Variants in ADCY10 observed in about 807,000 individuals in gnomAD.
ADCY10 encodes adenylate cyclase type 10.
ADCY10 carries 156 observed loss-of-function variants against 183.3 expected under a neutral mutation model. The observed-to-expected ratio is 0.85, with a 90% CI of 0.75 to 0.97. ADCY10 has a LOEUF of 0.97. Ranked by LOEUF, ADCY10 falls within the 50% of genes least tolerant of loss-of-function variation. ADCY10 has a pLI of 0.00. For missense variants in ADCY10, 1,745 were observed against 1,934.3 expected, an observed-to-expected ratio of 0.90 and a Z score of 1.84; for synonymous variants, 645 against 670.0, an observed-to-expected ratio of 0.96 and a Z score of 0.58.
Position 167,822,104 on chromosome 1 carries a change from G to A in ADCY10, c.4206C>T (p.Phe1402=). Reference sequence around the variant, plus strand: ...TTCTGTTGTTTTCGTATTGGTGTATGAATTCCAAACATTCTTCAAATGTTC... The same window carrying A: ...TTCTGTTGTTTTCGTATTGGTGTATAAATTCCAAACATTCTTCAAATGTTC... The part of the protein sequence containing the change: ...VYRTFEECLE[F]IHQYENNRIL... The change falls in exon 30 of 33, where the codon TTC becomes TTT. Residue 1402 remains phenylalanine, a synonymous_variant. Coordinates refer to ENST00000367851, the MANE Select transcript of ADCY10 (RefSeq NM_018417.6). The A allele has an allele frequency of 1.2e-6, 2 of 1,609,136 alleles. No homozygotes were observed. The highest frequency in any genetic ancestry group is 1.7e-6 in the Non-Finnish European group (2 of 1,175,396).
chr1:167,881,600 T>A (rs1479984022), intron 9 of ADCY10, among the ~76,000 whole-genome samples: 3 of 152,192 alleles, frequency 2.0e-5, no homozygotes, highest in African/African-American at 4.8e-5. Flanking sequence ...CCCCTAGCAA[T>A]GGAATGACAG....
At chr1:167,903,745 CA>C in intron 3 of ADCY10, 141 bp downstream of exon 3, 1 of 672,640 alleles carries the variant, frequency 1.5e-6, no homozygotes, top group Non-Finnish European at 2.7e-6. Context: ...TATCATATTT[CA>C]AAAAAGACTG....
intron 12 of ADCY10, among the ~76,000 whole-genome samples, chr1:167,877,647 G>A (rs887460487): frequency 6.6e-6 from 1 of 152,124 alleles, no homozygotes; most frequent in African/African-American, 2.4e-5. Context: ...GAATAATTGT[G>A]ATATAGGGCA....
intron 21 of ADCY10, among the ~76,000 whole-genome samples, chr1:167,841,372 C>G (rs1323322058): frequency 1.3e-5 from 2 of 152,074 alleles, no homozygotes; most frequent in African/African-American, 4.8e-5. Context: ...ACAGCAAAAT[C>G]CCTCACTTCC....
At chr1:167,832,659 GC>G (rs887059674) in intron 25 of ADCY10, among the ~76,000 whole-genome samples, 10 of 151,682 alleles carry the variant, frequency 6.6e-5, no homozygotes, top group African/African-American at 1.9e-4. Flanking sequence ...GAGCAGTGGT[GC>G]AGGTTCCATC....
chr1:167,837,322 G>A lies in ADCY10; in HGVS notation c.3008-4C>T. 1 of 1,612,316 alleles carries A rather than the reference G, an allele frequency of 6.2e-7. No homozygotes were observed. The highest frequency in any genetic ancestry group is 8.5e-7 in the Non-Finnish European group (1 of 1,178,378). Reference sequence around the variant, plus strand: ...GACAAGATAAGCTTTTCTTCAGCTAGAAAATAAACAAATGAGTTGTATGGG... The same window carrying A: ...GACAAGATAAGCTTTTCTTCAGCTAAAAAATAAACAAATGAGTTGTATGGG... On this transcript the variant is annotated splice_polypyrimidine_tract_variant and splice_region_variant and intron_variant, in intron 21 of 32. Transcript: ENST00000367851.
chr1:167,809,809 C>G lies in ADCY10; in HGVS notation c.4702G>C (p.Glu1568Gln), dbSNP rs1662090802. Residue 1568 changes from glutamate to glutamine, a missense_variant, in exon 33 of 33, where the codon GAA (glutamate) becomes CAA (glutamine). Physicochemically the swap from Glu to Gln is conservative, Grantham distance 29. Coordinates refer to ENST00000367851, the MANE Select transcript of ADCY10 (RefSeq NM_018417.6). ...ESWYSTSELK[E>Q]DQWLQTILSL... is the part of the protein sequence containing the mutation. ...AAGATCGTCTGAAGCCATTGGTCTT[C>G]TTTTAACTCAGAGGTTGAGTACCAT... is the stretch of plus-strand genomic sequence containing the variant. 1.9e-6 allele frequency: 3 copies of G among 1,614,010 alleles called. No individual in the cohort carries two copies. The South Asian group carries it at 3.3e-5, about 18-fold the overall frequency.
At chr1:167,883,394 C>T in intron 9 of ADCY10, 43 bp downstream of exon 9, 2 of 1,602,972 alleles carry the variant, frequency 1.2e-6, no homozygotes, top group East Asian at 2.2e-5. Flanking sequence ...TGAATGCTAA[C>T]CTAAAACTAT....
Position 167,883,460 on chromosome 1 carries a change from T to C in ADCY10, c.997A>G (p.Asn333Asp). 1 of 1,614,232 alleles carries C rather than the reference T, an allele frequency of 6.2e-7. No homozygotes were observed. The highest frequency in any genetic ancestry group is 2.2e-5 in the East Asian group (1 of 44,888). Residue 333 changes from asparagine (N) to aspartate (D), a missense_variant, in exon 9 of 33, where the codon AAT (asparagine) becomes GAT (aspartate). Asn to Asp is a conservative substitution (Grantham distance 23). Transcript: ENST00000367851. ...SVLKIFQGQI[N>D]KVFMFDKGCS... ...ACCTTGTCAAACATGAAGACTTTAT[T>C]GATTTGGCCTTGGAAGATCTTCAGG...
intron 14 of ADCY10, among the ~76,000 whole-genome samples, chr1:167,866,247 A>T (rs915823767): frequency 1.3e-5 from 2 of 152,182 alleles, no homozygotes; most frequent in African/African-American, 2.4e-5. Context: ...AAAATAAGAC[A>T]TCGTAAAGCG....
Position 167,902,204 on chromosome 1 carries a change from C to T in ADCY10, c.254-150G>A. The T allele has an allele frequency of 3.7e-6, 3 of 816,728 alleles. No individual in the cohort carries two copies. In the South Asian group the frequency reaches 4.7e-5, roughly 13 times the overall value. The allele number at this position is 816,728 out of a possible 1,614,324, so 50.6% of individuals were successfully genotyped here. On this transcript the variant is annotated intron_variant, in intron 3 of 32. Coordinates refer to ENST00000367851, the MANE Select transcript of ADCY10 (RefSeq NM_018417.6). Reference sequence around the variant, plus strand: ...TAAAGATCTCATCCCAGACAAGCCACTTAACCCATTTGAGTCTGTTTCCTC... The same window carrying T: ...TAAAGATCTCATCCCAGACAAGCCATTTAACCCATTTGAGTCTGTTTCCTC...
In ADCY10 at chr1:167,845,632, C is replaced by T. The variant is rs1186258326; in HGVS notation, c.2938G>A (p.Val980Met). The change falls in exon 21 of 33, where the codon GTG (valine) becomes ATG (methionine). Residue 980 changes from valine (V) to methionine (M), a missense_variant. Transcript: ENST00000367851. The stretch of plus-strand genomic sequence containing the variant: ...TCTAAAGCGTTGAGCCGAATATTCA[C>T]TGTGAAGTGATGATAGGGAATGAAG... ...RDFIPYHHFT[V>M]NIRLNALDMD... The T allele has an allele frequency of 6.2e-7, 1 of 1,614,246 alleles. No homozygotes were observed. Among genetic ancestry groups the T allele is most frequent in the South Asian group, 1.1e-5 (1 of 91,088 alleles).
intron 8 of ADCY10, among the ~76,000 whole-genome samples, chr1:167,889,571 G>C (rs1342693012): frequency 2.6e-5 from 4 of 152,108 alleles, no homozygotes; most frequent in Non-Finnish European, 5.9e-5. Context: ...TTTGGTATCA[G>C]GGTAATACTG....
rs1662154473 is a variant in ADCY10 at position 167,810,805 on chromosome 1, C to T, written c.4591G>A (p.Gly1531Ser). 6.2e-7 allele frequency: 1 copy of T among 1,614,054 alleles called. No homozygotes were observed. The highest frequency in any genetic ancestry group is 8.5e-7 in the Non-Finnish European group (1 of 1,180,032). Residue 1531 changes from glycine (G) to serine (S), a missense_variant, in exon 32 of 33, where the codon GGC becomes AGC. Transcript: ENST00000367851. Reference protein sequence around the residue: ...CILMGDGQKCGLFLNTALRLS... With the variant: ...CILMGDGQKCSLFLNTALRLS... ...CGCAAGGCTGTGTTCAGGAAGAGGC[C>T]ACATTTCTGCCCATCTCCCATTAAT...
intron 24 of ADCY10, among the ~76,000 whole-genome samples, chr1:167,833,559 A>AG (rs1483880929): frequency 1.3e-5 from 2 of 152,178 alleles, no homozygotes; most frequent in Non-Finnish European, 2.9e-5. Context: ...CAGCCTGGCC[A>AG]ACATGGTGAA....
intron 2 of ADCY10, 148 bp downstream of exon 2, chr1:167,904,844 TC>T: frequency 9.9e-7 from 1 of 1,008,938 alleles, no homozygotes; most frequent in Non-Finnish European, 1.5e-6. Flanking sequence ...AGCTATTTCC[TC>T]CCTCTTGTGT....
intron 1 of ADCY10, 128 bp downstream of exon 1, chr1:167,913,848 A>G (rs1670302422): frequency 6.6e-6 from 1 of 152,230 alleles, no homozygotes; most frequent in African/African-American, 2.4e-5. Context: ...AGGTATACAC[A>G]AACTTGAACC....
Position 167,856,328 on chromosome 1 carries a change from T to A in ADCY10, c.2008A>T (p.Met670Leu). Residue 670 changes from methionine to leucine, a missense_variant, in exon 17 of 33, where the codon ATG becomes TTG. Coordinates refer to ENST00000367851, the MANE Select transcript of ADCY10 (RefSeq NM_018417.6). ...LIRTLPIFII[M>L]SLCPFVNIPC... is the part of the protein sequence containing the mutation. The stretch of plus-strand genomic sequence containing the variant: ...ATGTTAACGAAGGGACACAGGGACA[T>A]AATGATGAAGATAGGAAGAGTCCGG... 1 of 1,614,052 alleles carries A rather than the reference T, an allele frequency of 6.2e-7. No homozygotes were observed. Among genetic ancestry groups the A allele is most frequent in the South Asian group, 1.1e-5 (1 of 91,074 alleles).
rs2071922 is a variant in ADCY10 at position 167,856,368 on chromosome 1, A to G, written c.1968T>C (p.Phe656=). 219,590 of 1,613,870 alleles carry G rather than the reference A, an allele frequency of 0.14. 18,648 individuals carry two copies. Among genetic ancestry groups the G allele is most frequent in the East Asian group, 0.42 (18,707 of 44,856 alleles). ...AQFVDSTSWR[F]MEKLIRTLPI... is the part of the protein sequence containing the mutation. ...GAAGAGTCCGGATAAGCTTCTCCATAAATCTCCAGGAGGTCGAATCCACAA... is the reference window on the plus strand; with the variant it reads ...GAAGAGTCCGGATAAGCTTCTCCATGAATCTCCAGGAGGTCGAATCCACAA... The change falls in exon 17 of 33, where the codon TTT becomes TTC. Residue 656 remains phenylalanine, a synonymous_variant. Coordinates refer to ENST00000367851, the MANE Select transcript of ADCY10 (RefSeq NM_018417.6).
Sources: gnomAD v4.1 joint callset for allele counts (sites outside exome capture counted in the v4.1 genomes callset) on GRCh38, gnomAD v4.1.1 for gene constraint, MANE v1.5 for transcripts, NCBI Gene and HGNC (gene_info 2026-07-23, HGNC 2026-07-21) for gene names.